Variants in MRTFB observed in about 807,000 individuals in gnomAD.
MRTFB encodes myocardin related transcription factor B.
A neutral mutation model predicts 104.2 loss-of-function variants in MRTFB; 29 were observed. The ratio of observed to expected loss-of-function variants is 0.28; its 90% CI spans 0.21 to 0.38. MRTFB has a LOEUF of 0.38. MRTFB is among the 10% of genes least tolerant of loss of function. The probability of loss-of-function intolerance (pLI) is 1.00; values close to 1 mark genes in which losing one functional copy is unlikely to be tolerated. For missense variants in MRTFB, 1,270 were observed against 1,341.6 expected (o/e 0.95, Z 0.83); for synonymous variants, 535 against 519.5 (o/e 1.03, Z -0.41).
intron 3 of MRTFB, chr16:14,195,477 T>C (rs1023375470): frequency 1.0e-6 from 1 of 963,792 alleles, no homozygotes; most frequent in African/African-American, 1.8e-5. Flanking sequence ...TATATTTGAG[T>C]GTGTGTTTGT....
At chr16:14,222,326 C>T (rs576184198) in intron 8 of MRTFB, among the ~76,000 whole-genome samples, 1 of 152,186 alleles carries the variant, frequency 6.6e-6, no homozygotes, top group African/African-American at 2.4e-5. Flanking sequence ...GCTATCCAAC[C>T]TACAGCCCAC....
intron 1 of MRTFB, among the ~76,000 whole-genome samples, chr16:14,071,678 C>T (rs1032947252): frequency 6.6e-6 from 1 of 152,258 alleles, no homozygotes; most frequent in East Asian, 1.9e-4. Flanking sequence ...GTTTATGGAG[C>T]CTCTGCTGTG....
chr16:14,241,577 G>GATC (rs1285629611), intron 10 of MRTFB: 2 of 152,168 alleles, frequency 1.3e-5, no homozygotes, highest in Non-Finnish European at 2.9e-5. Flanking sequence ...TATTAGCCAT[G>GATC]ATCAGGTTAT....
chr16:14,086,802 T>G (rs922240956), intron 2 of MRTFB, among the ~76,000 whole-genome samples: 1 of 152,192 alleles, frequency 6.6e-6, no homozygotes, highest in Non-Finnish European at 1.5e-5. Context: ...TAATTAAAAT[T>G]AAGGCTTTAT....
chr16:14,203,750 G>A (rs2040817292), intron 3 of MRTFB, among the ~76,000 whole-genome samples: 2 of 144,620 alleles, frequency 1.4e-5, no homozygotes, highest in Admixed American at 7.2e-5. Context: ...GTTGCAGGGA[G>A]CTGAGATCAG....
chr16:14,059,775 A>G, the MRTFB span, among the ~76,000 whole-genome samples: 1 of 152,130 alleles, frequency 6.6e-6, no homozygotes, highest in African/African-American at 2.4e-5. Flanking sequence ...AGAAGCTTGG[A>G]GTTGGCTAGA....
chr16:13,995,256 G>A, the MRTFB span, among the ~76,000 whole-genome samples: 1 of 152,066 alleles, frequency 6.6e-6, no homozygotes, highest in Non-Finnish European at 1.5e-5. Flanking sequence ...CAGAAACTGG[G>A]GTCAGGTTAT....
intron 3 of MRTFB, among the ~76,000 whole-genome samples, chr16:14,206,826 T>C (rs1301953776): frequency 6.6e-6 from 1 of 151,992 alleles, no homozygotes; most frequent in African/African-American, 2.4e-5. Context: ...TGTGTTTTAA[T>C]ACTACCCAAA....
intron 6 of MRTFB, among the ~76,000 whole-genome samples, chr16:14,216,845 C>T (rs573576643): frequency 5.3e-5 from 8 of 152,284 alleles, no homozygotes; most frequent in Non-Finnish European, 7.4e-5. Flanking sequence ...GACCCTCCTG[C>T]CATAAACAAA....
upstream of MRTFB, among the ~76,000 whole-genome samples, chr16:14,069,511 G>A (rs2033572475): frequency 6.6e-6 from 1 of 152,076 alleles, no homozygotes; most frequent in South Asian, 2.1e-4. Context: ...TTAGAGACAG[G>A]GTCTCACTCT....
intron 9 of MRTFB, among the ~76,000 whole-genome samples, chr16:14,237,393 G>A (rs113290256): frequency 0.025 from 3,713 of 151,544 alleles, 66 homozygotes; most frequent in Middle Eastern, 0.085. Flanking sequence ...TGTATCAAAG[G>A]CTGCTGTGCC....
At chr16:14,011,733 G>A in the MRTFB span, among the ~76,000 whole-genome samples, 6 of 152,132 alleles carry the variant, frequency 3.9e-5, no homozygotes, top group African/African-American at 9.7e-5. Context: ...TTAGCTGGGC[G>A]TGGTGGTGGG....
At chr16:14,207,269 G>C (rs1176125858) in intron 3 of MRTFB, among the ~76,000 whole-genome samples, 1 of 152,228 alleles carries the variant, frequency 6.6e-6, no homozygotes, top group East Asian at 1.9e-4. Flanking sequence ...AGCAGTATAA[G>C]TAGGGTTGTT....
intron 2 of MRTFB, among the ~76,000 whole-genome samples, chr16:14,111,557 G>A (rs1227013495): frequency 1.3e-5 from 2 of 152,230 alleles, no homozygotes; most frequent in Non-Finnish European, 2.9e-5. Context: ...TTTTCTGGAT[G>A]TGCTTGGTGC....
At chr16:14,230,595 A>G (rs901130487) in intron 8 of MRTFB, among the ~76,000 whole-genome samples, 5 of 152,290 alleles carry the variant, frequency 3.3e-5, no homozygotes, top group East Asian at 1.9e-4. Flanking sequence ...ACCATCTCAC[A>G]CCAGTTAGAA....
intron 6 of MRTFB, among the ~76,000 whole-genome samples, chr16:14,214,193 A>G (rs1176588635): frequency 6.6e-6 from 1 of 152,162 alleles, no homozygotes; most frequent in Non-Finnish European, 1.5e-5. Flanking sequence ...TCAGGCCAGG[A>G]TGTTTTTCTC....
intron 2 of MRTFB, among the ~76,000 whole-genome samples, chr16:14,111,991 C>T (rs952216227): frequency 6.6e-6 from 1 of 152,230 alleles, no homozygotes; most frequent in African/African-American, 2.4e-5. Context: ...ACCATCCCCC[C>T]TGATCTCTCA....
At chr16:14,240,951 A>AG in intron 10 of MRTFB, 2 of 587,846 alleles carry the variant, frequency 3.4e-6, no homozygotes, top group Non-Finnish European at 6.0e-6. Flanking sequence ...TGTGAGCACT[A>AG]GTACAGAGGA....
the MRTFB span, among the ~76,000 whole-genome samples, chr16:13,999,146 C>T: frequency 1.3e-5 from 2 of 148,862 alleles, no homozygotes; most frequent in African/African-American, 2.5e-5. Flanking sequence ...GCTGAGATCT[C>T]GTCACTGTAC....
Sources: allele counts gnomAD v4.1 joint callset (sites outside exome capture counted in the v4.1 genomes callset), GRCh38; gene constraint gnomAD v4.1.1; transcripts MANE v1.5; gene names NCBI Gene and HGNC (gene_info 2026-07-23, HGNC 2026-07-21).